The following SLC44A5 variants were observed in gnomAD, a reference collection of about 807,000 sequenced individuals.
The protein encoded by SLC44A5 is solute carrier family 44 member 5.
Under a neutral mutation model 101.8 loss-of-function variants are expected in SLC44A5, and 57 were observed. That is an observed-to-expected ratio of 0.56 (90% CI 0.45 to 0.70). The LOEUF (loss-of-function observed/expected upper bound fraction) is 0.70, where lower values mean the gene tolerates loss of function less well. Ranked by LOEUF, SLC44A5 falls within the 30% of genes least tolerant of loss-of-function variation. The probability of loss-of-function intolerance (pLI) is 0.00; values close to 1 mark genes in which losing one functional copy is unlikely to be tolerated. For missense variants in SLC44A5, 737 were observed against 853.1 expected, an observed-to-expected ratio of 0.86 and a Z score of 1.70; for synonymous variants, 281 against 290.9, an observed-to-expected ratio of 0.97 and a Z score of 0.35.
chr1:75,493,600 T>A (rs1158290149), intron 2 of SLC44A5, among the ~76,000 whole-genome samples: 1 of 152,092 alleles, frequency 6.6e-6, no homozygotes, highest in Admixed American at 6.6e-5. Flanking sequence ...TGTAATAATA[T>A]CTTCAAAATC....
At chr1:75,354,685 C>T (rs1331007385) in intron 3 of SLC44A5, among the ~76,000 whole-genome samples, 2 of 152,156 alleles carry the variant, frequency 1.3e-5, no homozygotes, top group African/African-American at 2.4e-5. Flanking sequence ...TCTGATCACT[C>T]CGACACAGAA....
the SLC44A5 span, among the ~76,000 whole-genome samples, chr1:75,616,638 A>G: frequency 1.3e-5 from 2 of 152,166 alleles, no homozygotes; most frequent in Non-Finnish European, 2.9e-5. Flanking sequence ...CACGCGGGCG[A>G]TGAGCCCCGA....
At chr1:75,249,629 A>G (rs1649397549) in intron 7 of SLC44A5, among the ~76,000 whole-genome samples, 1 of 152,154 alleles carries the variant, frequency 6.6e-6, no homozygotes, top group African/African-American at 2.4e-5. Flanking sequence ...ACTGCTGTGT[A>G]TTTATCACTC....
intron 1 of SLC44A5, among the ~76,000 whole-genome samples, chr1:75,600,162 G>A (rs1674888352): frequency 6.6e-6 from 1 of 152,138 alleles, no homozygotes; most frequent in Admixed American, 6.6e-5. Context: ...CAAGAGTAGT[G>A]ACTGACTTTA....
chr1:75,402,391 G>A, intron 2 of SLC44A5: 1 of 374,502 alleles, frequency 2.7e-6, no homozygotes, highest in Non-Finnish European at 5.5e-6. Flanking sequence ...ACAAGAGGTG[G>A]CTGGCAAGAT....
chr1:75,645,552 A>G, the SLC44A5 span, among the ~76,000 whole-genome samples: 1 of 151,742 alleles, frequency 6.6e-6, no homozygotes, highest in African/African-American at 2.4e-5. Context: ...AGTAGATTGC[A>G]AAAATTTTCT....
intron 2 of SLC44A5, among the ~76,000 whole-genome samples, chr1:75,418,445 G>C (rs1256152029): frequency 6.6e-6 from 1 of 152,144 alleles, no homozygotes; most frequent in Non-Finnish European, 1.5e-5. Flanking sequence ...AACCTATTTT[G>C]TTTACATGGG....
At chr1:75,427,091 C>A (rs1344725827) in intron 2 of SLC44A5, among the ~76,000 whole-genome samples, 1 of 152,176 alleles carries the variant, frequency 6.6e-6, no homozygotes, top group Non-Finnish European at 1.5e-5. Flanking sequence ...TTAAGACAAC[C>A]AGGGTCAGAT....
At chr1:75,476,303 A>G (rs1667395862) in intron 2 of SLC44A5, among the ~76,000 whole-genome samples, 1 of 152,232 alleles carries the variant, frequency 6.6e-6, no homozygotes. Context: ...GCTCTGGTCT[A>G]CAGCTCCCAG....
At chr1:75,423,081 T>A (rs992237528) in intron 2 of SLC44A5, among the ~76,000 whole-genome samples, 2 of 152,214 alleles carry the variant, frequency 1.3e-5, no homozygotes, top group African/African-American at 2.4e-5. Context: ...TCAAATGCCT[T>A]TGTTGCAAGG....
chr1:75,612,899 T>C (rs1432587870), upstream of SLC44A5, among the ~76,000 whole-genome samples: 1 of 152,196 alleles, frequency 6.6e-6, no homozygotes, highest in East Asian at 1.9e-4. Flanking sequence ...AACTATAGCA[T>C]TTTTTCGTTA....
rs182891330 is a variant in SLC44A5, at chr1:75,501,784, T to C, written c.13+39651A>G. 9.5e-3 allele frequency among the ~76,000 whole-genome samples: 1,444 copies of C among 152,292 alleles called. 27 individuals carry two copies. Among genetic ancestry groups the C allele is most frequent in the African/African-American group, 0.033 (1,359 of 41,562 alleles). ...GTAATTATGCTTATCTGATGAATTGTTATCTGAATCAAAAGCTTCAGGCAT... is the reference window on the plus strand; with the variant it reads ...GTAATTATGCTTATCTGATGAATTGCTATCTGAATCAAAAGCTTCAGGCAT... On this transcript the variant is annotated intron_variant, in intron 2 of 23. Transcript: ENST00000370859.
At chr1:75,405,896 A>AAC (rs1553174601) in intron 2 of SLC44A5, among the ~76,000 whole-genome samples, 4,679 of 147,650 alleles carry the variant, frequency 0.032, 228 homozygotes, top group African/African-American at 0.097. Flanking sequence ...AAAAAAAAAA[A>AAC]CCCTTTAAAA....
chr1:75,294,426 A>G (rs190431090), intron 5 of SLC44A5, among the ~76,000 whole-genome samples: 11 of 152,326 alleles, frequency 7.2e-5, no homozygotes, highest in Admixed American at 7.2e-4. Context: ...CATGGAGGTC[A>G]CTCAAAAAAT....
intron 3 of SLC44A5, among the ~76,000 whole-genome samples, chr1:75,394,867 C>A (rs757779711): frequency 6.6e-6 from 1 of 151,974 alleles, no homozygotes; most frequent in Non-Finnish European, 1.5e-5. Flanking sequence ...CTGAGTGCAC[C>A]CCAGATCTTA....
the SLC44A5 span, among the ~76,000 whole-genome samples, chr1:75,664,475 A>C: frequency 6.6e-5 from 10 of 152,338 alleles, no homozygotes; most frequent in Non-Finnish European, 1.2e-4. Flanking sequence ...TTCAGGATAC[A>C]AAATCAATGT....
At chr1:75,580,843 AAAAAAC>A (rs1557930316) in intron 1 of SLC44A5, among the ~76,000 whole-genome samples, 1 of 151,240 alleles carries the variant, frequency 6.6e-6, no homozygotes, top group East Asian at 1.9e-4. Context: ...GTCTCAAAAA[AAAAAAC>A]AAAGAAAAAG....
chr1:75,394,471 T>A (rs1038007560), intron 3 of SLC44A5, among the ~76,000 whole-genome samples: 1 of 152,046 alleles, frequency 6.6e-6, no homozygotes, highest in Admixed American at 6.6e-5. Flanking sequence ...TAAGGCATAT[T>A]TACATGTAGG....
At chr1:75,444,476 A>AG (rs1553181272) in intron 2 of SLC44A5, among the ~76,000 whole-genome samples, 12 of 138,860 alleles carry the variant, frequency 8.6e-5, no homozygotes, top group East Asian at 6.0e-4. Context: ...AAAGAAAGAG[A>AG]AAGAAAGAAG....
Sources: allele counts gnomAD v4.1 joint callset (sites outside exome capture counted in the v4.1 genomes callset), GRCh38; gene constraint gnomAD v4.1.1; transcripts MANE v1.5; gene names NCBI Gene and HGNC (gene_info 2026-07-23, HGNC 2026-07-21).